Variants in TRPM2 observed in about 807,000 individuals in gnomAD.
The protein encoded by TRPM2 is estrogen-responsive element-associated gene 1 protein.
A neutral mutation model predicts 174.0 loss-of-function variants in TRPM2; 161 were observed. That is an observed-to-expected ratio of 0.93 (90% CI 0.81 to 1.05). The LOEUF is 1.05. Ranked by LOEUF, TRPM2 falls within the 50% of genes least tolerant of loss-of-function variation. The pLI is 0.00. For missense variants in TRPM2, 2,057 were observed against 2,038.0 expected, an observed-to-expected ratio of 1.01 and a Z score of -0.18; for synonymous variants, 954 against 861.3, an observed-to-expected ratio of 1.11 and a Z score of -1.88.
intron 31 of TRPM2, 30 bp downstream of exon 31, chr21:44,440,935 G>A (rs762906414): frequency 1.9e-6 from 3 of 1,599,008 alleles, no homozygotes; most frequent in Non-Finnish European, 2.6e-6. Flanking sequence ...GGAGGCGGGA[G>A]TGGGGAGGCA....
chr21:44,400,193 A>G (rs1160556570), intron 14 of TRPM2, 66 bp from the exon 15 acceptor site: 3 of 1,388,894 alleles, frequency 2.2e-6, no homozygotes, highest in Non-Finnish European at 3.0e-6. Flanking sequence ...CTCAGCAGAC[A>G]GCTGACGGGC....
Position 44,439,049 on chromosome 21 carries a change from C to T in TRPM2, c.4168-18C>T, listed in dbSNP as rs754214531. On this transcript the variant is annotated intron_variant, in intron 29 of 31. Transcript: ENST00000397928. This position sits in a 1 kb window ranked among gnomAD's most constrained non-coding sequence, Gnocchi z 5.1. ...CTTCGGTGCCCTGTTGACCTGCCTC[C>T]GTCCTCTGTCTGTCCAGGGCTCCCG... 1.8e-5 allele frequency: 29 copies of T among 1,607,262 alleles called. No homozygotes were observed. Among genetic ancestry groups the T allele is most frequent in the Middle Eastern group, 1.7e-4 (1 of 5,990 alleles).
intron 28 of TRPM2, 78 bp from the exon 29 acceptor site, chr21:44,436,984 A>G: frequency 7.6e-7 from 1 of 1,315,784 alleles, no homozygotes. Flanking sequence ...CGCCCCAGGC[A>G]GGGCCAGCCC....
At chr21:44,353,206 A>T (rs1275527228), upstream of TRPM2, 1 of 152,544 alleles carries the variant, frequency 6.6e-6, no homozygotes, top group African/African-American at 2.4e-5. Context: ...AGGGCTATTT[A>T]AAAAAATTTT....
Position 44,406,595 on chromosome 21 carries a change from T to C in TRPM2, c.2792T>C (p.Met931Thr), listed in dbSNP as rs981299422. Residue 931 changes from methionine (M) to threonine (T), a missense_variant and splice_region_variant, in exon 19 of 32, where the codon ATG (methionine) becomes ACG (threonine). By Grantham distance (81) the Met-to-Thr change is moderately conservative (BLOSUM62 -1). Coordinates refer to ENST00000397928, the MANE Select transcript of TRPM2 (RefSeq NM_003307.4). ...GPKIIIVKRMMKDVFFFLFLL... is the reference protein window; with the variant it reads ...GPKIIIVKRMTKDVFFFLFLL... ...GCCCACACACTCTCTGTCCTGCAGATGAAGGACGTCTTCTTCTTCCTCTTC... is the reference window on the plus strand; with the variant it reads ...GCCCACACACTCTCTGTCCTGCAGACGAAGGACGTCTTCTTCTTCCTCTTC... 1 of 1,608,464 alleles carries C rather than the reference T, an allele frequency of 6.2e-7. No individual in the cohort carries two copies. Among genetic ancestry groups the C allele is most frequent in the African/African-American group, 1.3e-5 (1 of 74,838 alleles).
chr21:44,411,589 A>T (rs1424083930), intron 19 of TRPM2, among the ~76,000 whole-genome samples: 2 of 152,160 alleles, frequency 1.3e-5, no homozygotes, highest in Non-Finnish European at 2.9e-5. Flanking sequence ...TTCTTGCCTA[A>T]GTGCCCTGGC....
At chr21:44,370,966 G>C (rs1382284452) in intron 5 of TRPM2, among the ~76,000 whole-genome samples, 1 of 152,218 alleles carries the variant, frequency 6.6e-6, no homozygotes, top group African/African-American at 2.4e-5. Flanking sequence ...GTGTGTCCCA[G>C]CCCGGCTGCC....
chr21:44,405,357 G>A lies in TRPM2; in HGVS notation c.2657+97G>A, dbSNP rs1233527541. On this transcript the variant is annotated intron_variant, in intron 17 of 31. Transcript: ENST00000397928. The stretch of plus-strand genomic sequence containing the variant: ...CCCAGAACCAGCCACACCGGGTGAG[G>A]CTCAGCTCGTCTGTGAACCCTGGAT... 2.1e-5 allele frequency: 32 copies of A among 1,548,876 alleles called. No individual in the cohort carries two copies. The East Asian group carries it at 7.2e-4, about 35-fold the overall frequency.
In TRPM2 at chr21:44,429,962, C is replaced by G. The variant is rs372437525; in HGVS notation, c.3974+2851C>G. Reference sequence around the variant, plus strand: ...TTTATTGGATTAGGAATGTTTCTATCTAGTCCCAATTTGTCAGGGGCTGAA... The same window carrying G: ...TTTATTGGATTAGGAATGTTTCTATGTAGTCCCAATTTGTCAGGGGCTGAA... On this transcript the variant is annotated intron_variant, in intron 27 of 31. Transcript: ENST00000397928. 2.9e-4 allele frequency among the ~76,000 whole-genome samples: 44 copies of G among 152,264 alleles called. No homozygotes were observed. The East Asian group carries it at 6.2e-3, about 21-fold the overall frequency.
chr21:44,410,387 T>TTGGC (rs2050065821), intron 19 of TRPM2, among the ~76,000 whole-genome samples: 3 of 71,754 alleles, frequency 4.2e-5, no homozygotes, highest in Non-Finnish European at 6.0e-5. Flanking sequence ...ACTGTCTTGG[T>TTGGC]GTAGCCTTGT....
chr21:44,359,418 G>A (rs151221552), intron 2 of TRPM2, among the ~76,000 whole-genome samples: 157 of 151,980 alleles, frequency 1.0e-3, no homozygotes, highest in African/African-American at 3.5e-3. Context: ...TGGATTTGTA[G>A]GGTGCACATC....
chr21:44,439,071 C>T lies in TRPM2; in HGVS notation c.4172C>T (p.Ser1391Phe). The T allele has an allele frequency of 2.5e-6, 4 of 1,612,624 alleles. No homozygotes were observed. The highest frequency in any genetic ancestry group is 2.5e-6 in the Non-Finnish European group (3 of 1,179,570). Reference protein sequence around the residue: ...LSEHWALPGGSREPGEMLPRK... With the variant: ...LSEHWALPGGFREPGEMLPRK... ...CTCCGTCCTCTGTCTGTCCAGGGCT[C>T]CCGGGAGCCAGGGGAGATGCTACCT... The change falls in exon 30 of 32, where the codon TCC becomes TTC. Residue 1391 changes from serine (S) to phenylalanine (F), a missense_variant. By Grantham distance (155) the Ser-to-Phe change is radical (BLOSUM62 -2). Transcript: ENST00000397928. This position sits in a 1 kb window ranked among gnomAD's most constrained non-coding sequence, Gnocchi z 5.1.
chr21:44,411,018 C>T (rs149712808), intron 19 of TRPM2, among the ~76,000 whole-genome samples: 4,865 of 149,176 alleles, frequency 0.033, 237 homozygotes, highest in African/African-American at 0.1. Flanking sequence ...AAGTTTTGAC[C>T]GCACTGTCTT....
intron 20 of TRPM2, among the ~76,000 whole-genome samples, 164 bp from the exon 21 acceptor site, chr21:44,417,763 T>C (rs2050359060): frequency 6.9e-6 from 1 of 144,290 alleles, no homozygotes; most frequent in African/African-American, 2.6e-5. Context: ...CTCTGTGACA[T>C]CACAGTGGGC....
rs769840311 is a variant in TRPM2 at position 44,401,721 on chromosome 21, GCCC to G, written c.2363_2365del (p.Ala788_Arg789delinsGly). 2.0e-5 allele frequency: 32 copies of G among 1,613,206 alleles called. No individual in the cohort carries two copies. The highest frequency in any genetic ancestry group is 1.6e-4 in the Middle Eastern group (1 of 6,084). ...GGATGTGGGCACCCCCGCGGCCCGC[GCCC>G]GTGCCTTCTTCACCGCACCCGTGGT... On this transcript the variant is annotated inframe_deletion, in exon 16 of 32. Transcript: ENST00000397928.
chr21:44,385,616 T>A (rs926850986), intron 9 of TRPM2, among the ~76,000 whole-genome samples: 1 of 152,238 alleles, frequency 6.6e-6, no homozygotes, highest in Non-Finnish European at 1.5e-5. Context: ...ACAGATGATA[T>A]GATTTTCGTA....
chr21:44,404,355 GAC>G (rs1354307352), intron 16 of TRPM2, among the ~76,000 whole-genome samples: 36 of 147,990 alleles, frequency 2.4e-4, no homozygotes, highest in East Asian at 4.0e-4. Flanking sequence ...AATACATGCA[GAC>G]ACATACAGAA....
Position 44,361,539 on chromosome 21 carries a change from A to C in TRPM2, c.255-2575A>C, listed in dbSNP as rs143261148. ...CCTATTTTTTTAAATACATTCTGTC[A>C]ATCTGTTTTTTAATTGTCATATTTA... On this transcript the variant is annotated intron_variant, in intron 2 of 31. Transcript: ENST00000397928. Among the ~76,000 whole-genome samples the C allele has an allele frequency of 8.6e-3, 1,302 of 152,176 alleles. 16 individuals carry two copies. The highest frequency in any genetic ancestry group is 0.015 in the Non-Finnish European group (1,004 of 68,004).
intron 27 of TRPM2, among the ~76,000 whole-genome samples, chr21:44,427,854 G>A (rs1259348169): frequency 6.6e-6 from 1 of 152,182 alleles, no homozygotes; most frequent in Non-Finnish European, 1.5e-5. Flanking sequence ...GAGAGCAGAG[G>A]TCCTGGCCAG....
Sources: allele counts gnomAD v4.1 joint callset (sites outside exome capture counted in the v4.1 genomes callset), GRCh38; gene constraint gnomAD v4.1.1; non-coding constraint Gnocchi (gnomAD v3.1); transcripts MANE v1.5; gene names NCBI Gene and HGNC (gene_info 2026-07-23, HGNC 2026-07-21).